The following DDHD2 variants were observed in gnomAD, a reference collection of about 807,000 sequenced individuals.
DDHD2 encodes the protein DDHD domain containing 2, also known as triacylglycerol hydrolase DDHD2.
In DDHD2, 62 loss-of-function variants were observed where a neutral mutation model predicts 91.2. That is an observed-to-expected ratio of 0.68 (90% confidence interval 0.55 to 0.84). The LOEUF (loss-of-function observed/expected upper bound fraction) is 0.84. Ranked by LOEUF, DDHD2 falls within the 40% of genes least tolerant of loss-of-function variation. The pLI is 0.00. For synonymous variants in DDHD2, 271 were observed against 293.9 expected (o/e 0.92, Z 0.80); for missense variants, 740 against 846.9 (o/e 0.87, Z 1.57).
intron 3 of DDHD2, among the ~76,000 whole-genome samples, chr8:38,236,125 GTC>G (rs1804723434): frequency 6.6e-6 from 1 of 151,880 alleles, no homozygotes; most frequent in African/African-American, 2.4e-5. Context: ...CCATTCTCCT[GTC>G]TCAGCCTCCC....
chr8:38,269,391 G>C, intron 1 of DDHD2: 2 of 576,686 alleles, frequency 3.5e-6, no homozygotes, highest in South Asian at 2.9e-5. Context: ...GCCCTCTGGT[G>C]CGTTCAGCAG....
At chr8:38,264,304 G>T, downstream of DDHD2, 1 of 779,784 alleles carries the variant, frequency 1.3e-6, no homozygotes, top group Non-Finnish European at 1.8e-6. Context: ...ACAACTCCTG[G>T]CTAATTTTTG....
chr8:38,246,204 A>C, intron 8 of DDHD2, 29 bp from the exon 9 acceptor site: 1 of 1,518,128 alleles, frequency 6.6e-7, no homozygotes, highest in Non-Finnish European at 9.1e-7. Flanking sequence ...AATGCTTAGA[A>C]ATTGTCCCTT....
intron 9 of DDHD2, 52 bp from the exon 10 acceptor site, chr8:38,247,661 A>C: frequency 8.0e-7 from 1 of 1,247,794 alleles, no homozygotes; most frequent in Non-Finnish European, 1.1e-6. Context: ...AAATAGTATT[A>C]AAGGAAACTA....
At chr8:38,242,710 A>T (rs1414030930) in intron 7 of DDHD2, among the ~76,000 whole-genome samples, 1 of 152,184 alleles carries the variant, frequency 6.6e-6, no homozygotes, top group Non-Finnish European at 1.5e-5. Flanking sequence ...ATACCCCAAG[A>T]TGTACAAAGT....
chr8:38,255,088 G>T (rs1806405045), intron 16 of DDHD2, among the ~76,000 whole-genome samples: 1 of 151,730 alleles, frequency 6.6e-6, no homozygotes, highest in African/African-American at 2.4e-5. Flanking sequence ...CCAGCTACTA[G>T]GGAGGCTGAG....
At chr8:38,243,866 G>A (rs571049256) in intron 7 of DDHD2, among the ~76,000 whole-genome samples, 3 of 148,894 alleles carry the variant, frequency 2.0e-5, no homozygotes, top group Non-Finnish European at 4.5e-5. Context: ...GTGCAGTGGC[G>A]TGATCTCAGC....
Position 38,252,256 on chromosome 8 carries a change from C to T in DDHD2, c.1586C>T (p.Thr529Met), listed in dbSNP as rs758497992. 1.5e-5 allele frequency: 25 copies of T among 1,613,876 alleles called. No individual in the cohort carries two copies. Among genetic ancestry groups the T allele is most frequent in the South Asian group, 4.4e-5 (4 of 90,994 alleles). ...KRIDPNYRFP[T>M]CKGFFNIYHP... is the part of the protein sequence containing the mutation. ...ATTGATCCCAACTACAGATTTCCAA[C>T]GTGCAAAGGTTTCTTCAATATTTAT... is the stretch of plus-strand genomic sequence containing the variant. Residue 529 changes from threonine to methionine, a missense_variant, in exon 13 of 18, where the codon ACG (threonine) becomes ATG (methionine). Thr to Met is a moderately conservative substitution (Grantham distance 81). This residue lies in a region of DDHD2 where 693 missense variants were observed against 764.2 expected (regional missense o/e 0.91). Transcript: ENST00000397166.
chr8:38,236,124 T>C (rs1012940012), intron 3 of DDHD2, among the ~76,000 whole-genome samples: 6 of 151,998 alleles, frequency 3.9e-5, no homozygotes, highest in African/African-American at 7.2e-5. Context: ...GCCATTCTCC[T>C]GTCTCAGCCT....
chr8:38,267,857 G>A (rs1807905749), intron 1 of DDHD2: 1 of 1,598,628 alleles, frequency 6.3e-7, no homozygotes, highest in Non-Finnish European at 8.6e-7. Context: ...GTGGGTAAGG[G>A]CTGAGGCAGA....
At chr8:38,241,607 T>TG (rs979066915) in intron 6 of DDHD2, among the ~76,000 whole-genome samples, 1 of 151,296 alleles carries the variant, frequency 6.6e-6, no homozygotes, top group Non-Finnish European at 1.5e-5. Flanking sequence ...TTTTAGTAGA[T>TG]GGGGTTTCGC....
downstream of DDHD2, chr8:38,264,379 C>G (rs1188104154): frequency 9.1e-6 from 12 of 1,324,936 alleles, no homozygotes; most frequent in Admixed American, 1.6e-4. Context: ...GTGATCCACC[C>G]TCCTCAGCCT....
At chr8:38,236,884 C>T (rs572732619) in intron 3 of DDHD2, among the ~76,000 whole-genome samples, 6 of 151,932 alleles carry the variant, frequency 3.9e-5, no homozygotes, top group South Asian at 2.1e-4. Flanking sequence ...AGGCTGGTCT[C>T]GAATGCCAGA....
Position 38,240,351 on chromosome 8 carries a change from C to T in DDHD2, c.699C>T (p.Ser233=), listed in dbSNP as rs560050475. 7.3e-5 allele frequency: 118 copies of T among 1,608,704 alleles called. No homozygotes were observed. The South Asian group carries it at 1.3e-3, about 18-fold the overall frequency. ...IGPACDLRFR[S]IVQCVNDFRS... is the part of the protein sequence containing the mutation. ...CAGCTTGTGATCTCCGCTTTCGAAG[C>T]ATTGTACAGTGTGGTAGGTTTGCAA... Residue 233 remains serine, a synonymous_variant, in exon 6 of 18, where the codon AGC becomes AGT. Transcript: ENST00000397166.
Position 38,247,837 on chromosome 8 carries a change from T to C in DDHD2, c.1248+2T>C, listed in dbSNP as rs753950471. On this transcript the variant is annotated splice_donor_variant, in intron 10 of 17. Transcript: ENST00000397166. LOFTEE classifies it high-confidence loss of function. The stretch of plus-strand genomic sequence containing the variant: ...GAGAAAGTAGATAAGGAAGCTCTGG[T>C]AAAAATAATCTTTTAAAACTTTATG... 6.4e-6 allele frequency: 10 copies of C among 1,557,118 alleles called. No homozygotes were observed. In the South Asian group the frequency reaches 1.2e-4, roughly 19 times the overall value.
intron 11 of DDHD2, 143 bp from the exon 12 acceptor site, chr8:38,251,769 A>G (rs917465431): frequency 5.9e-5 from 35 of 594,856 alleles, no homozygotes; most frequent in Middle Eastern, 4.2e-4. Flanking sequence ...TTTTAAATAG[A>G]GACTATGTTG....
intron 16 of DDHD2, among the ~76,000 whole-genome samples, chr8:38,254,752 G>A (rs564486908): frequency 4.5e-4 from 69 of 152,140 alleles, no homozygotes; most frequent in South Asian, 3.5e-3. Context: ...GCCGGGTATG[G>A]TGGCTCATGC....
At chr8:38,239,690 C>CAA (rs1392210479) in intron 5 of DDHD2, among the ~76,000 whole-genome samples, 1 of 37,604 alleles carries the variant, frequency 2.7e-5, no homozygotes, top group African/African-American at 1.0e-4. Context: ...CTGTCACAAA[C>CAA]AAAAAAAAAA....
chr8:38,267,492 G>T, downstream of DDHD2: 1 of 1,408,424 alleles, frequency 7.1e-7, no homozygotes, highest in Non-Finnish European at 9.7e-7. Flanking sequence ...TGGTCAAATA[G>T]TGCCCCAGGC....
Sources: gnomAD v4.1 joint callset for allele counts (sites outside exome capture counted in the v4.1 genomes callset) on GRCh38, gnomAD v4.1.1 for gene constraint, gnomAD v4.1.1 regional missense constraint, MANE v1.5 for transcripts, NCBI Gene and HGNC (gene_info 2026-07-23, HGNC 2026-07-21) for gene names.